Variants in LRP6 observed in about 807,000 individuals in gnomAD.
LRP6 encodes the protein LDL receptor related protein 6, also known as low-density lipoprotein receptor-related protein 6.
LRP6 carries 43 observed loss-of-function variants against 184.1 expected under a neutral mutation model. The ratio of observed to expected loss-of-function variants is 0.23; its 90% CI spans 0.18 to 0.30. The LOEUF (loss-of-function observed/expected upper bound fraction) is 0.30, where lower values mean the gene tolerates loss of function less well. LRP6 is among the 10% of genes least tolerant of loss of function. LRP6 has a pLI of 1.00. For missense variants in LRP6, 1,571 were observed against 2,005.3 expected (o/e 0.78, Z 4.14); for synonymous variants, 719 against 684.9 (o/e 1.05, Z -0.78).
At chr12:12,222,094 G>A (rs1341892269) in intron 2 of LRP6, among the ~76,000 whole-genome samples, 1 of 152,084 alleles carries the variant, frequency 6.6e-6, no homozygotes, top group Non-Finnish European at 1.5e-5. Context: ...TCTACAAATT[G>A]GGAAGGGGGA....
At chr12:12,206,070 T>C (rs905641991) in intron 2 of LRP6, among the ~76,000 whole-genome samples, 1 of 152,252 alleles carries the variant, frequency 6.6e-6, no homozygotes, top group African/African-American at 2.4e-5. Context: ...TACAGGTTCG[T>C]AGCCTAGCAG....
At chr12:12,258,725 G>T (rs1276152594) in intron 1 of LRP6, among the ~76,000 whole-genome samples, 2 of 152,160 alleles carry the variant, frequency 1.3e-5, no homozygotes, top group African/African-American at 4.8e-5. Flanking sequence ...ACCTTTCTCA[G>T]ACTTGCAAAA....
chr12:12,123,799 AACT>A (rs1190452508), intron 22 of LRP6, among the ~76,000 whole-genome samples: 1 of 152,202 alleles, frequency 6.6e-6, no homozygotes, highest in Non-Finnish European at 1.5e-5. Flanking sequence ...TATTCCATGC[AACT>A]ACATGAGAAA....
chr12:12,172,849 G>A (rs1292482073), intron 7 of LRP6, among the ~76,000 whole-genome samples: 3 of 152,202 alleles, frequency 2.0e-5, no homozygotes, highest in African/African-American at 7.2e-5. Context: ...AGTAGGTGAA[G>A]TAAAGGGACA....
chr12:12,135,059 G>T (rs893579441), intron 17 of LRP6, 116 bp downstream of exon 17: 3 of 1,438,400 alleles, frequency 2.1e-6, no homozygotes, highest in East Asian at 2.3e-5. Context: ...TGGAACACAC[G>T]CAACCAATTA....
At chr12:12,123,026 T>C (rs1229233519) in intron 22 of LRP6, among the ~76,000 whole-genome samples, 1 of 150,134 alleles carries the variant, frequency 6.7e-6, no homozygotes, top group Non-Finnish European at 1.5e-5. Flanking sequence ...AAAGTCCAAA[T>C]ACTTCTATTT....
At chr12:12,151,232 C>A (rs1950076633) in intron 12 of LRP6, among the ~76,000 whole-genome samples, 194 bp from the exon 13 acceptor site, 1 of 152,104 alleles carries the variant, frequency 6.6e-6, no homozygotes, top group Non-Finnish European at 1.5e-5. Flanking sequence ...TCTCTGGTTA[C>A]CAAATCAGTT....
chr12:12,140,642 C>T (rs1160085796), intron 15 of LRP6, among the ~76,000 whole-genome samples: 1 of 145,536 alleles, frequency 6.9e-6, no homozygotes, highest in Non-Finnish European at 1.5e-5. Context: ...TTTGCTCTTT[C>T]GCCCAGGCTA....
Position 12,117,894 on chromosome 12 carries a change from A to C in LRP6, c.*3232T>G, listed in dbSNP as rs1192190058. 1.3e-5 allele frequency: 2 copies of C among 152,154 alleles called. No homozygotes were observed. The highest frequency in any genetic ancestry group is 1.3e-4 in the Admixed American group (2 of 15,280). 9.4% of individuals were successfully genotyped at this position (152,154 alleles called of 1,614,324 possible). ...TAAATGATAAAGAAATACAACCCTC[A>C]AAATCATCTTAAAATTGTACTGCTC... On this transcript the variant is annotated 3_prime_UTR_variant, in exon 23 of 23. Coordinates refer to ENST00000261349, the MANE Select transcript of LRP6 (RefSeq NM_002336.3).
Position 12,124,562 on chromosome 12 carries a change from T to G in LRP6, c.4547+3A>C. On this transcript the variant is annotated splice_donor_region_variant and intron_variant, in intron 22 of 22. Transcript: ENST00000261349. ...CCTTATTTTAGAGAAGGATGTGTATTACCTGTATGACCTATGAGTGGAAGG... is the reference window on the plus strand; with the variant it reads ...CCTTATTTTAGAGAAGGATGTGTATGACCTGTATGACCTATGAGTGGAAGG... The G allele has an allele frequency of 6.3e-7, 1 of 1,587,874 alleles. No homozygotes were observed. Among genetic ancestry groups the G allele is most frequent in the Non-Finnish European group, 8.6e-7 (1 of 1,156,088 alleles).
chr12:12,204,443 C>A (rs550882322), intron 2 of LRP6, among the ~76,000 whole-genome samples: 12 of 151,998 alleles, frequency 7.9e-5, no homozygotes, highest in Non-Finnish European at 1.6e-4. Flanking sequence ...GATGTAGTGT[C>A]AAATTGCATA....
At chr12:12,254,948 T>C (rs954728025) in intron 1 of LRP6, among the ~76,000 whole-genome samples, 1 of 152,216 alleles carries the variant, frequency 6.6e-6, no homozygotes, top group Non-Finnish European at 1.5e-5. Flanking sequence ...TCAAGAGGCA[T>C]TTTAAAGTCC....
rs144785331 is a variant in LRP6 at position 12,171,240 on chromosome 12, A to G, written c.1546-5945T>C. Among the ~76,000 whole-genome samples, 831 of 152,314 alleles carry G rather than the reference A, an allele frequency of 5.5e-3. 6 individuals are homozygous for G. The highest frequency in any genetic ancestry group is 0.018 in the African/African-American group (754 of 41,566). On this transcript the variant is annotated intron_variant, in intron 7 of 22. Transcript: ENST00000261349. ...TATTAATAAATGCTATTATTGGCCG[A>G]GCGCGGTGGCTCACGCCTGTAATCC...
chr12:12,140,477 G>C (rs1192904649), intron 15 of LRP6, among the ~76,000 whole-genome samples: 1 of 151,510 alleles, frequency 6.6e-6, no homozygotes, highest in Non-Finnish European at 1.5e-5. Flanking sequence ...AATTATCAAA[G>C]AAACAACACA....
chr12:12,207,095 T>C (rs1864080831), intron 2 of LRP6, among the ~76,000 whole-genome samples: 1 of 152,232 alleles, frequency 6.6e-6, no homozygotes, highest in Admixed American at 6.5e-5. Context: ...CTGCCAGGTT[T>C]GTGGCATAAA....
At chr12:12,180,349 A>T (rs1863314238) in intron 6 of LRP6, among the ~76,000 whole-genome samples, 1 of 150,290 alleles carries the variant, frequency 6.7e-6, no homozygotes, top group Non-Finnish European at 1.5e-5. Flanking sequence ...TTATCCCAGC[A>T]GTATTAGTCA....
chr12:12,121,235 A>C lies in LRP6; in HGVS notation c.4733T>G (p.Leu1578Trp). The C allele has an allele frequency of 6.2e-7, 1 of 1,614,058 alleles. No individual in the cohort carries two copies. Among genetic ancestry groups the C allele is most frequent in the Admixed American group, 1.7e-5 (1 of 59,996 alleles). Residue 1578 changes from leucine to tryptophan, a missense_variant, in exon 23 of 23, where the codon TTG becomes TGG. Physicochemically the swap from Leu to Trp is moderately conservative, Grantham distance 61 (BLOSUM62 -2). Transcript: ENST00000261349. ...PPPPTPRSQY[L>W]SAEENYESCP... ...GCTTTCATAGTTCTCCTCTGCTGAC[A>C]AGTATTGGCTTCGGGGTGTGGGAGG... is the stretch of plus-strand genomic sequence containing the variant.
chr12:12,159,877 A>G lies in LRP6; in HGVS notation c.2367T>C (p.Asn789=), dbSNP rs772736876. ...TAGTTAGGCCGTTTGCCCGCCCCAC[A>G]TTTGGAACTAAGGTAGTACGTTCAC... ...DGSERTTLVP[N]VGRANGLTID... is the part of the protein sequence containing the mutation. The change falls in exon 11 of 23, where the codon AAT becomes AAC. Residue 789 remains asparagine (N), a synonymous_variant. Transcript: ENST00000261349. 6.8e-6 allele frequency: 11 copies of G among 1,613,984 alleles called. No individual in the cohort carries two copies. In the South Asian group the frequency reaches 9.9e-5, roughly 14 times the overall value.
intron 2 of LRP6, among the ~76,000 whole-genome samples, chr12:12,220,025 G>C (rs1032769290): frequency 6.6e-6 from 1 of 152,124 alleles, no homozygotes; most frequent in East Asian, 1.9e-4. Context: ...GGTGGTTCAC[G>C]CCTGTAATCC....
Sources: gnomAD v4.1 joint callset for allele counts (sites outside exome capture counted in the v4.1 genomes callset) on GRCh38, gnomAD v4.1.1 for gene constraint, MANE v1.5 for transcripts, NCBI Gene and HGNC (gene_info 2026-07-23, HGNC 2026-07-21) for gene names.